The following SP110 variants were observed in gnomAD, a reference collection of about 807,000 sequenced individuals.
SP110 encodes SP110 nuclear body protein, also known as interferon-induced protein 41, 30kD.
Under a neutral mutation model 92.7 loss-of-function variants are expected in SP110, and 62 were observed. The observed-to-expected ratio is 0.67, with a 90% CI of 0.55 to 0.83. The LOEUF is 0.83. Among genes scored for constraint, SP110 ranks in the 40% least tolerant of loss-of-function variants. The pLI is 0.00. For synonymous variants in SP110, 273 were observed against 305.3 expected (o/e 0.89, Z 1.10); for missense variants, 793 against 863.9 (o/e 0.92, Z 1.03).
chr2:230,193,784 G>C (rs369659845), intron 10 of SP110, among the ~76,000 whole-genome samples: 3 of 152,310 alleles, frequency 2.0e-5, no homozygotes, highest in African/African-American at 7.2e-5. Flanking sequence ...ATAGGTTTCA[G>C]GGGGAGGGCA....
At chr2:230,202,762 T>C (rs756054690) in intron 8 of SP110, 34 bp from the exon 9 acceptor site, 1 of 1,613,044 alleles carries the variant, frequency 6.2e-7, no homozygotes, top group Non-Finnish European at 8.5e-7. Flanking sequence ...ATAGTTTAAA[T>C]TGGGGTCTTC....
chr2:230,204,501 C>T (rs1270079410), intron 8 of SP110, among the ~76,000 whole-genome samples: 1 of 152,034 alleles, frequency 6.6e-6, no homozygotes, highest in Non-Finnish European at 1.5e-5. Flanking sequence ...ACGTGGTGCC[C>T]ATAATGTCTA....
At chr2:230,181,619 A>G (rs2042130885) in intron 12 of SP110, among the ~76,000 whole-genome samples, 1 of 152,162 alleles carries the variant, frequency 6.6e-6, no homozygotes, top group Admixed American at 6.5e-5. Flanking sequence ...AAAGCAAACA[A>G]CACCTTTAAA....
chr2:230,176,711 A>G, intron 14 of SP110: 1 of 1,614,128 alleles, frequency 6.2e-7, no homozygotes, highest in Non-Finnish European at 8.5e-7. Flanking sequence ...TGGAGGACAG[A>G]GCAAAAGTCC....
chr2:230,179,621 G>A (rs1369509264), intron 12 of SP110, among the ~76,000 whole-genome samples: 1 of 125,856 alleles, frequency 7.9e-6, no homozygotes, highest in Non-Finnish European at 1.7e-5. Flanking sequence ...GTGAGGGAAA[G>A]GCAGAGCTCC....
intron 16 of SP110, 22 bp downstream of exon 16, chr2:230,172,044 T>C: frequency 3.6e-6 from 5 of 1,383,562 alleles, no homozygotes; most frequent in Non-Finnish European, 5.2e-6. Flanking sequence ...AAGTATAGGT[T>C]TGGGGTTTGC....
At chr2:230,209,905 C>A (rs766275015) in intron 7 of SP110, 26 bp downstream of exon 7, 13 of 1,401,304 alleles carry the variant, frequency 9.3e-6, no homozygotes, top group Non-Finnish European at 1.3e-5. Flanking sequence ...CCCTTCTGAC[C>A]TCTACAGAAG....
Position 230,172,124 on chromosome 2 carries a change from T to A in SP110, c.1757A>T (p.Gln586Leu). ...FCRMKRSSGSQQCHHVSKTLE... is the reference protein window; with the variant it reads ...FCRMKRSSGSLQCHHVSKTLE... ...GGTCTTAGATACATGATGGCACTGTTGGCTTCCTGAAGACCTCTTCATCCT... is the reference window on the plus strand; with the variant it reads ...GGTCTTAGATACATGATGGCACTGTAGGCTTCCTGAAGACCTCTTCATCCT... The change falls in exon 16 of 19, where the codon CAA becomes CTA. Residue 586 changes from glutamine (Q) to leucine (L), a missense_variant. Gln to Leu is a moderately radical substitution (Grantham distance 113). Coordinates refer to ENST00000258381, the MANE Select transcript of SP110 (RefSeq NM_080424.4). 1 of 1,613,924 alleles carries A rather than the reference T, an allele frequency of 6.2e-7. No individual in the cohort carries two copies. The highest frequency in any genetic ancestry group is 8.5e-7 in the Non-Finnish European group (1 of 1,179,738).
At chr2:230,206,395 T>C (rs961008900) in intron 8 of SP110, among the ~76,000 whole-genome samples, 1 of 151,664 alleles carries the variant, frequency 6.6e-6, no homozygotes, top group Non-Finnish European at 1.5e-5. Context: ...ACATGTTCTT[T>C]CTTGGTGCTC....
intron 9 of SP110, 149 bp from the exon 10 acceptor site, chr2:230,201,114 G>A (rs958020625): frequency 1.4e-6 from 1 of 724,948 alleles, no homozygotes; most frequent in Non-Finnish European, 2.5e-6. Flanking sequence ...AAGAGATTTG[G>A]TGCTGCTCAT....
chr2:230,183,266 T>C (rs2042206853), intron 12 of SP110, among the ~76,000 whole-genome samples: 1 of 152,230 alleles, frequency 6.6e-6, no homozygotes, highest in South Asian at 2.1e-4. Flanking sequence ...ATTCCTAGAA[T>C]GGAAGACATA....
chr2:230,196,773 A>T (rs1244209643), intron 10 of SP110, among the ~76,000 whole-genome samples: 1 of 149,436 alleles, frequency 6.7e-6, no homozygotes. Flanking sequence ...ATTCCCACCT[A>T]TGAGTGAGAA....
rs867987806 is a variant in SP110 at position 230,171,169 on chromosome 2, C to T, written c.1888-408G>A. Among the ~76,000 whole-genome samples the T allele has an allele frequency of 3.2e-4, 49 of 152,184 alleles. 1 individual carries two copies. The highest frequency in any genetic ancestry group is 3.4e-3 in the Middle Eastern group (1 of 294). On this transcript the variant is annotated intron_variant, in intron 17 of 18. Coordinates refer to ENST00000258381, the MANE Select transcript of SP110 (RefSeq NM_080424.4). ...GTGCAGTGGTGCGATCTTGGCTCAC[C>T]GCAACCTCTGCTTCCTGGGTTCAAG...
chr2:230,204,507 G>T (rs1428070577), intron 8 of SP110, among the ~76,000 whole-genome samples: 1 of 151,976 alleles, frequency 6.6e-6, no homozygotes, highest in Non-Finnish European at 1.5e-5. Flanking sequence ...TGCCCATAAT[G>T]TCTATGACCC....
intron 1 of SP110, among the ~76,000 whole-genome samples, chr2:230,217,860 C>T (rs1345986054): frequency 6.6e-6 from 1 of 152,174 alleles, no homozygotes; most frequent in African/African-American, 2.4e-5. Context: ...CAGCTGGAAA[C>T]CTGGTAATAT....
chr2:230,172,365 CG>C (rs2078468362), intron 15 of SP110, 191 bp from the exon 16 acceptor site: 1 of 638,638 alleles, frequency 1.6e-6, no homozygotes, highest in South Asian at 1.8e-5. Flanking sequence ...TAGCGGCAGG[CG>C]GGCAGCCTGA....
intron 10 of SP110, among the ~76,000 whole-genome samples, chr2:230,199,795 G>A (rs549490552): frequency 6.6e-6 from 1 of 152,160 alleles, no homozygotes; most frequent in African/African-American, 2.4e-5. Context: ...AGTAATTTTT[G>A]AATAAGCAGT....
chr2:230,165,480 T>C lies in SP110; in HGVS notation c.*3644A>G, dbSNP rs548533147. Reference sequence around the variant, plus strand: ...CACACTTTTAATTTTTGCTTTTGAATTACTTTATATGACATAGGACATGAC... The same window carrying C: ...CACACTTTTAATTTTTGCTTTTGAACTACTTTATATGACATAGGACATGAC... On this transcript the variant is annotated 3_prime_UTR_variant, in exon 19 of 19. Transcript: ENST00000258381. Among the ~76,000 whole-genome samples the C allele has an allele frequency of 1.9e-4, 29 of 152,354 alleles. No homozygotes were observed. Among genetic ancestry groups the C allele is most frequent in the African/African-American group, 5.8e-4 (24 of 41,576 alleles).
At chr2:230,202,110 T>G (rs574513502) in intron 9 of SP110, among the ~76,000 whole-genome samples, 1 of 152,234 alleles carries the variant, frequency 6.6e-6, no homozygotes, top group African/African-American at 2.4e-5. Context: ...GTCACTCTTT[T>G]CACTAATTTT....
Sources: allele counts gnomAD v4.1 joint callset (sites outside exome capture counted in the v4.1 genomes callset), GRCh38; gene constraint gnomAD v4.1.1; transcripts MANE v1.5; gene names NCBI Gene and HGNC (gene_info 2026-07-23, HGNC 2026-07-21).